Variants in SI observed in about 807,000 individuals in gnomAD.
SI encodes the protein sucrase-isomaltase, intestinal.
SI carries 235 observed loss-of-function variants against 253.3 expected under a neutral mutation model. The ratio of observed to expected loss-of-function variants is 0.93; its 90% CI spans 0.83 to 1.03. The LOEUF is 1.03. Ranked by LOEUF, SI falls within the 50% of genes least tolerant of loss-of-function variation. The pLI, the probability that SI is intolerant of heterozygous loss-of-function variation, is 0.00. For synonymous variants in SI, 819 were observed against 712.0 expected (o/e 1.15, Z -2.39); for missense variants, 2,442 against 2,211.1 (o/e 1.10, Z -2.09).
chr3:165,012,646 G>T (rs1231074157), intron 34 of SI, among the ~76,000 whole-genome samples: 1 of 151,942 alleles, frequency 6.6e-6, no homozygotes, highest in Non-Finnish European at 1.5e-5. Flanking sequence ...TAGCCAGGAT[G>T]GTCTCAATCT....
Position 165,016,093 on chromosome 3 carries a change from A to G in SI, c.3760-13T>C, listed in dbSNP as rs1370775846. ...TGTACTGAACATCCTGAAATATCCA[A>G]AAATTATCAAAGTAGGGCAAAAAAT... On this transcript the variant is annotated splice_polypyrimidine_tract_variant and intron_variant, in intron 31 of 47. Transcript: ENST00000264382. 2 of 1,611,590 alleles carry G rather than the reference A, an allele frequency of 1.2e-6. No homozygotes were observed. Among genetic ancestry groups the G allele is most frequent in the Middle Eastern group, 1.7e-4 (1 of 6,052 alleles).
chr3:165,012,032 G>A (rs555879513), intron 34 of SI, among the ~76,000 whole-genome samples: 1 of 152,062 alleles, frequency 6.6e-6, no homozygotes, highest in South Asian at 2.1e-4. Flanking sequence ...TAGAACTATA[G>A]CCACTCCTGT....
chr3:165,002,479 A>T (rs1004023860), intron 37 of SI, among the ~76,000 whole-genome samples: 5 of 151,804 alleles, frequency 3.3e-5, no homozygotes, highest in Admixed American at 2.6e-4. Flanking sequence ...GTGAAAGAAC[A>T]CAGTAGCAAG....
intron 45 of SI, among the ~76,000 whole-genome samples, chr3:164,983,262 G>A (rs61198148): frequency 0.048 from 7,337 of 152,198 alleles, 600 homozygotes; most frequent in African/African-American, 0.17. Context: ...GGTCCTAAGA[G>A]GACAAGCTAG....
chr3:165,031,379 C>G (rs974577615), intron 24 of SI, among the ~76,000 whole-genome samples: 1 of 147,478 alleles, frequency 6.8e-6, no homozygotes, highest in African/African-American at 2.5e-5. Context: ...TATTTATAAG[C>G]ATAAAAGTGG....
At chr3:165,039,760 C>T in intron 19 of SI, 127 bp downstream of exon 19, 4 of 735,038 alleles carry the variant, frequency 5.4e-6, no homozygotes, top group Non-Finnish European at 9.8e-6. Context: ...CGTAGAATTC[C>T]AACTTGATGT....
Position 164,994,324 on chromosome 3 carries a change from AG to A in SI, c.4773del (p.Tyr1592IlefsTer56). The part of the protein sequence containing the change: ...NILNIRYTLL[P>X]YFYTQMHEIH... ...ATTTCATGCATTTGTGTGTAAAAAT[AG>A]GGCAATAAGGTGTATCTAATATTTA... On this transcript the variant is annotated frameshift_variant, in exon 41 of 48. Coordinates refer to ENST00000264382, the MANE Select transcript of SI (RefSeq NM_001041.4). LOFTEE classifies it high-confidence loss of function. 1 of 1,611,122 alleles carries A rather than the reference AG, an allele frequency of 6.2e-7. No individual in the cohort carries two copies. The highest frequency in any genetic ancestry group is 8.5e-7 in the Non-Finnish European group (1 of 1,177,906).
At chr3:164,980,559 A>G (rs1462693172) in intron 47 of SI, among the ~76,000 whole-genome samples, 3 of 151,958 alleles carry the variant, frequency 2.0e-5, no homozygotes, top group East Asian at 1.9e-4. Flanking sequence ...GTGATTACTC[A>G]TAAATACTGA....
chr3:164,982,822 TA>T (rs1333075233), intron 46 of SI, among the ~76,000 whole-genome samples, 179 bp downstream of exon 46: 1 of 152,044 alleles, frequency 6.6e-6, no homozygotes, highest in Admixed American at 6.6e-5. Flanking sequence ...CATAACTGGC[TA>T]ATGTTTTTAT....
At chr3:165,026,467 C>A (rs1296279899) in intron 25 of SI, among the ~76,000 whole-genome samples, 2 of 151,140 alleles carry the variant, frequency 1.3e-5, no homozygotes, top group Admixed American at 1.3e-4. Flanking sequence ...TTAAACCATA[C>A]CCCAGAAAAA....
intron 19 of SI, 113 bp from the exon 20 acceptor site, chr3:165,039,247 T>C: frequency 1.5e-6 from 1 of 676,774 alleles, no homozygotes; most frequent in East Asian, 2.8e-5. Context: ...GTTGTTACAC[T>C]CCAATATTTC....
At chr3:164,986,553 T>C (rs1717446021) in intron 45 of SI, among the ~76,000 whole-genome samples, 1 of 152,198 alleles carries the variant, frequency 6.6e-6, no homozygotes, top group Non-Finnish European at 1.5e-5. Flanking sequence ...TACATGGCAG[T>C]TCCTGTTTCA....
At chr3:165,024,834 C>T (rs892978939) in intron 25 of SI, among the ~76,000 whole-genome samples, 1 of 151,020 alleles carries the variant, frequency 6.6e-6, no homozygotes, top group African/African-American at 2.4e-5. Flanking sequence ...TCTAATTTGT[C>T]CCTTGATTTT....
In SI at chr3:164,992,178, G is replaced by C. The variant is rs202004001; in HGVS notation, c.4982C>G (p.Thr1661Arg). 4.3e-6 allele frequency: 7 copies of C among 1,609,442 alleles called. No individual in the cohort carries two copies. The highest frequency in any genetic ancestry group is 5.9e-6 in the Non-Finnish European group (7 of 1,177,546). The change falls in exon 43 of 48, where the codon ACA becomes AGA. Residue 1661 changes from threonine (T) to arginine (R), a missense_variant and splice_region_variant. By Grantham distance (71) the Thr-to-Arg change is moderately conservative. Transcript: ENST00000264382. Reference sequence around the variant, plus strand: ...CCCCAGAATTCCTTAAATACTTACTGTATGGTAGTCAAACCACCGAGCATT... The same window carrying C: ...CCCCAGAATTCCTTAAATACTTACTCTATGGTAGTCAAACCACCGAGCATT... ...VPNARWFDYH[T>R]GKDIGVRGQF...
rs1718833118 is a variant in SI at position 165,012,866 on chromosome 3, T to C, written c.4062+114A>G. On this transcript the variant is annotated intron_variant, in intron 34 of 47. Transcript: ENST00000264382. Reference sequence around the variant, plus strand: ...TAAATATGGTCTGATATCGATAATTTAAAATGGCCATCTATTTTTAAAGAA... The same window carrying C: ...TAAATATGGTCTGATATCGATAATTCAAAATGGCCATCTATTTTTAAAGAA... The C allele has an allele frequency of 3.8e-6, 3 of 783,078 alleles. No individual in the cohort carries two copies. The East Asian group carries it at 7.4e-5, about 19-fold the overall frequency. The allele number at this position is 783,078 out of a possible 1,614,324, so 48.5% of individuals were successfully genotyped here.
intron 37 of SI, 26 bp from the exon 38 acceptor site, chr3:164,998,699 A>C (rs1231831145): frequency 1.9e-6 from 3 of 1,595,678 alleles, no homozygotes; most frequent in Non-Finnish European, 2.6e-6. Context: ...AGTATTTTTG[A>C]GTTTTTACAT....
In SI at chr3:165,060,042, G is replaced by T. The variant is rs1349632955; in HGVS notation, c.1021-15C>A. 1 of 1,607,244 alleles carries T rather than the reference G, an allele frequency of 6.2e-7. No homozygotes were observed. The highest frequency in any genetic ancestry group is 8.5e-7 in the Non-Finnish European group (1 of 1,175,184). On this transcript the variant is annotated splice_polypyrimidine_tract_variant and intron_variant, in intron 9 of 47. Coordinates refer to ENST00000264382, the MANE Select transcript of SI (RefSeq NM_001041.4). ...AGTCCAACAAGCTTAAAGTAAATGAGCATGTAATTAGTTTGAATAGAAATA... is the reference window on the plus strand; with the variant it reads ...AGTCCAACAAGCTTAAAGTAAATGATCATGTAATTAGTTTGAATAGAAATA...
In SI at chr3:165,030,877, CAAAAAAA is replaced by C. The variant is rs11452619; in HGVS notation, c.2737-17_2737-11del. 1.6e-6 allele frequency: 2 copies of C among 1,213,840 alleles called. No individual in the cohort carries two copies. Among genetic ancestry groups the C allele is most frequent in the Non-Finnish European group, 2.1e-6 (2 of 951,926 alleles). 75.2% of individuals were successfully genotyped at this position (1,213,840 alleles called of 1,614,324 possible). Reference sequence around the variant, plus strand: ...CTGCAATTAGGAGAACCTTTGAAGACAAAAAAAAAAAAAGAAAAAAAGAAAAAAAAAA... The same window carrying C: ...CTGCAATTAGGAGAACCTTTGAAGACAAAAAAGAAAAAAAGAAAAAAAAAA... On this transcript the variant is annotated splice_polypyrimidine_tract_variant and intron_variant, in intron 24 of 47. Coordinates refer to ENST00000264382, the MANE Select transcript of SI (RefSeq NM_001041.4).
intron 15 of SI, among the ~76,000 whole-genome samples, chr3:165,048,580 TATATAGAG>T (rs1174355803): frequency 9.1e-5 from 10 of 109,848 alleles, no homozygotes; most frequent in African/African-American, 3.2e-4. Context: ...TATATATATA[TATATAGAG>T]AGAGAGAGAG....
Sources: gnomAD v4.1 joint callset for allele counts (sites outside exome capture counted in the v4.1 genomes callset) on GRCh38, gnomAD v4.1.1 for gene constraint, MANE v1.5 for transcripts, NCBI Gene and HGNC (gene_info 2026-07-23, HGNC 2026-07-21) for gene names.